The following KCNJ6 variants were observed in gnomAD, a reference collection of about 807,000 sequenced individuals.
The protein encoded by KCNJ6 is G protein-activated inward rectifier potassium channel 2.
KCNJ6 carries 9 observed loss-of-function variants against 34.2 expected under a neutral mutation model. The observed-to-expected ratio is 0.26, with a 90% CI of 0.16 to 0.46. The LOEUF is 0.46. Among genes scored for constraint, KCNJ6 ranks in the 20% least tolerant of loss-of-function variants. KCNJ6 has a pLI of 1.00. For synonymous variants in KCNJ6, 196 were observed against 207.1 expected (o/e 0.95, Z 0.46); for missense variants, 236 against 531.3 (o/e 0.44, Z 5.46).
At position 37,612,027 on chromosome 21, in the gene KCNJ6, AAAG is replaced by A. The variant is rs1462408261; in HGVS notation, c.*13129_*13131del. On this transcript the variant is annotated 3_prime_UTR_variant, in exon 4 of 4. Transcript: ENST00000609713. ...AAATAAAAATATATAGATTGGGAAG[AAAG>A]AAGAAATAAAACTTTGTCTTTGTTT... 6.6e-6 allele frequency: 1 copy of A among 152,194 alleles called. No homozygotes were observed. Among genetic ancestry groups the A allele is most frequent in the African/African-American group, 2.4e-5 (1 of 41,448 alleles). 9.4% of individuals were successfully genotyped at this position (152,194 alleles called of 1,614,324 possible). A position where few individuals can be genotyped will look rare whatever the true frequency, so the allele number is the denominator to read the frequency against.
chr21:37,724,147 G>C (rs1180106074), intron 2 of KCNJ6, among the ~76,000 whole-genome samples: 2 of 152,100 alleles, frequency 1.3e-5, no homozygotes, highest in Non-Finnish European at 1.5e-5. Context: ...TTTTTAAACT[G>C]GGGAGTGATA....
At chr21:37,715,990 T>G (rs890619679) in intron 2 of KCNJ6, among the ~76,000 whole-genome samples, 4 of 152,234 alleles carry the variant, frequency 2.6e-5, no homozygotes, top group African/African-American at 9.6e-5. Flanking sequence ...TTTACAAAAT[T>G]GATCATGATA....
chr21:37,717,687 C>T (rs183905100), intron 2 of KCNJ6, among the ~76,000 whole-genome samples: 8 of 152,338 alleles, frequency 5.3e-5, no homozygotes, highest in East Asian at 1.9e-4. Context: ...CAGAGCCCTG[C>T]GAAGGGTCCA....
intron 1 of KCNJ6, among the ~76,000 whole-genome samples, chr21:37,851,735 C>T (rs957983758): frequency 5.3e-5 from 8 of 151,406 alleles, no homozygotes; most frequent in Admixed American, 4.0e-4. Flanking sequence ...AAAGATGATG[C>T]AGATTGATTT....
At chr21:37,740,720 C>T (rs2054937028) in intron 2 of KCNJ6, among the ~76,000 whole-genome samples, 1 of 152,224 alleles carries the variant, frequency 6.6e-6, no homozygotes, top group African/African-American at 2.4e-5. Context: ...TGACTCTTTT[C>T]ATTGACATTC....
chr21:37,646,695 G>A (rs1416136466), intron 3 of KCNJ6, among the ~76,000 whole-genome samples: 33 of 238 alleles, frequency 0.14, no homozygotes, highest in South Asian at 0.17. Context: ...TTTTTGAGAC[G>A]GAGTTGGCTC....
chr21:37,863,273 C>T (rs566467102), intron 1 of KCNJ6, among the ~76,000 whole-genome samples: 9 of 152,256 alleles, frequency 5.9e-5, no homozygotes, highest in South Asian at 4.1e-4. Flanking sequence ...GAGATTGTTA[C>T]GCCTGACTAC....
intron 3 of KCNJ6, among the ~76,000 whole-genome samples, chr21:37,707,933 GTTCC>G (rs1193986328): frequency 6.6e-6 from 1 of 152,070 alleles, no homozygotes; most frequent in African/African-American, 2.4e-5. Flanking sequence ...GGATGATGCT[GTTCC>G]TTTGGAAGAT....
In KCNJ6 at chr21:37,660,684, A is replaced by C. The variant is rs148714925; in HGVS notation, c.947-35200T>G. Among the ~76,000 whole-genome samples the C allele has an allele frequency of 1.9e-3, 283 of 151,982 alleles. 2 individuals are homozygous for C. The highest frequency in any genetic ancestry group is 6.5e-3 in the African/African-American group (270 of 41,460). On this transcript the variant is annotated intron_variant, in intron 3 of 3. Transcript: ENST00000609713. ...TGGGATGGGGAGAAGGCGTGCTGGG[A>C]CTCTCCATGAGGTTCAGAGCATGCT...
intron 3 of KCNJ6, among the ~76,000 whole-genome samples, chr21:37,655,029 T>A (rs857981): frequency 1.3e-5 from 2 of 152,120 alleles, no homozygotes; most frequent in South Asian, 4.2e-4. Flanking sequence ...GAGAGAGAGG[T>A]GGACCGAGAC....
rs536751377 is a variant in KCNJ6 at position 37,712,816 on chromosome 21, C to T, written c.946+1395G>A. Among the ~76,000 whole-genome samples, 239 of 149,390 alleles carry T rather than the reference C, an allele frequency of 1.6e-3. 1 individual carries two copies. The highest frequency in any genetic ancestry group is 5.8e-3 in the African/African-American group (232 of 40,328). ...TTCTATCTCCCTTCCTCCTCCCCAC[C>T]CAACTATTGCCACACAAATGCACCC... On this transcript the variant is annotated intron_variant, in intron 3 of 3. Transcript: ENST00000609713.
rs529289540 is a variant in KCNJ6 at position 37,749,601 on chromosome 21, T to C, written c.26-34470A>G. Among the ~76,000 whole-genome samples the C allele has an allele frequency of 5.3e-5, 8 of 152,244 alleles. No homozygotes were observed. The South Asian group carries it at 1.0e-3, about 20-fold the overall frequency. ...CTTTCCAAGAGGATTTAGACTGCAG[T>C]GTAAAGGGGGCTTCATGTTGAGGCA... On this transcript the variant is annotated intron_variant, in intron 2 of 3. Coordinates refer to ENST00000609713, the MANE Select transcript of KCNJ6 (RefSeq NM_002240.5).
chr21:37,790,496 T>C (rs2123521261), intron 2 of KCNJ6, among the ~76,000 whole-genome samples: 1 of 152,338 alleles, frequency 6.6e-6, no homozygotes, highest in East Asian at 1.9e-4. Flanking sequence ...GGCACCATTA[T>C]TATCCCCATT....
chr21:37,749,216 C>T (rs941853107), intron 2 of KCNJ6, among the ~76,000 whole-genome samples: 4 of 152,082 alleles, frequency 2.6e-5, no homozygotes, highest in African/African-American at 9.7e-5. Context: ...TAGCTGGTCT[C>T]GAGGGCATCT....
intron 3 of KCNJ6, among the ~76,000 whole-genome samples, chr21:37,643,470 C>G (rs1307747699): frequency 6.6e-6 from 1 of 152,164 alleles, no homozygotes; most frequent in African/African-American, 2.4e-5. Flanking sequence ...TGCCTCTACC[C>G]TTGCTCCTGG....
chr21:37,759,957 T>C (rs1240163571), intron 2 of KCNJ6, among the ~76,000 whole-genome samples: 2 of 152,130 alleles, frequency 1.3e-5, no homozygotes, highest in Non-Finnish European at 2.9e-5. Context: ...AGCCAGATGC[T>C]ACATCGTGAT....
chr21:37,906,042 T>C (rs1234896426), intron 1 of KCNJ6, among the ~76,000 whole-genome samples: 2 of 152,256 alleles, frequency 1.3e-5, no homozygotes, highest in African/African-American at 2.4e-5. Flanking sequence ...TATTCACTGA[T>C]AGCATCTTTT....
chr21:37,758,014 GTGTCAC>G (rs1309772419), intron 2 of KCNJ6, among the ~76,000 whole-genome samples: 1 of 152,222 alleles, frequency 6.6e-6, no homozygotes, highest in African/African-American at 2.4e-5. Flanking sequence ...AGGTTTCAGG[GTGTCAC>G]TGGGTGGGTT....
At chr21:37,824,493 A>T (rs1275769594) in intron 2 of KCNJ6, among the ~76,000 whole-genome samples, 2 of 152,036 alleles carry the variant, frequency 1.3e-5, no homozygotes, top group Non-Finnish European at 2.9e-5. Context: ...TCTCCCAGGC[A>T]TCTAGGGGAG....
Sources: allele counts gnomAD v4.1 joint callset (sites outside exome capture counted in the v4.1 genomes callset), GRCh38; gene constraint gnomAD v4.1.1; transcripts MANE v1.5; gene names NCBI Gene and HGNC (gene_info 2026-07-23, HGNC 2026-07-21).